The following NUP54 variants were observed in gnomAD, a reference collection of about 807,000 sequenced individuals.
The protein encoded by NUP54 is nucleoporin p54.
NUP54 carries 27 observed loss-of-function variants against 66.4 expected under a neutral mutation model. The ratio of observed to expected loss-of-function variants is 0.41; its 90% CI spans 0.30 to 0.56. NUP54 has a LOEUF of 0.56. Among genes scored for constraint, NUP54 ranks in the 20% least tolerant of loss-of-function variants. NUP54 has a pLI of 0.34. For missense variants in NUP54, 486 were observed against 596.3 expected (o/e 0.82, Z 1.93); for synonymous variants, 206 against 210.7 (o/e 0.98, Z 0.19).
At chr4:76,137,749 G>A (rs1236023889) in intron 3 of NUP54, among the ~76,000 whole-genome samples, 1 of 152,134 alleles carries the variant, frequency 6.6e-6, no homozygotes, top group Non-Finnish European at 1.5e-5. Context: ...TCAACAAAGC[G>A]AGGAGCAAGT....
chr4:76,138,984 G>A (rs948852346), intron 3 of NUP54, among the ~76,000 whole-genome samples: 1 of 151,900 alleles, frequency 6.6e-6, no homozygotes, highest in Non-Finnish European at 1.5e-5. Flanking sequence ...TAACTCCTTG[G>A]ATACCATTAG....
At chr4:76,120,506 G>A (rs1257845781) in intron 9 of NUP54, among the ~76,000 whole-genome samples, 1 of 147,658 alleles carries the variant, frequency 6.8e-6, no homozygotes, top group Non-Finnish European at 1.5e-5. Flanking sequence ...CTTGGCTCAC[G>A]GCAACCTCCA....
intron 5 of NUP54, among the ~76,000 whole-genome samples, chr4:76,133,848 C>T (rs1250232382): frequency 6.6e-6 from 1 of 152,140 alleles, no homozygotes; most frequent in Non-Finnish European, 1.5e-5. Context: ...AATATTTATT[C>T]ATGAATGAAC....
At position 76,134,354 on chromosome 4, in the gene NUP54, ACCTACTG is replaced by A. The variant is rs759429207; in HGVS notation, c.524_530del (p.Ala175ValfsTer14). The A allele has an allele frequency of 6.2e-7, 1 of 1,611,350 alleles. No homozygotes were observed. The highest frequency in any genetic ancestry group is 8.5e-7 in the Non-Finnish European group (1 of 1,178,858). ...CTTTATTACTGGGCATGCAACTATA[ACCTACTG>A]CCTGTGGAATGACAAAATAAACAAT... On this transcript the variant is annotated frameshift_variant and splice_region_variant, in exon 5 of 12. Coordinates refer to ENST00000264883, the MANE Select transcript of NUP54 (RefSeq NM_017426.4). LOFTEE classifies it high-confidence loss of function.
chr4:76,140,718 T>C (rs1011748224), intron 3 of NUP54, among the ~76,000 whole-genome samples: 3 of 152,200 alleles, frequency 2.0e-5, no homozygotes, highest in African/African-American at 7.2e-5. Flanking sequence ...TTCACAGGAT[T>C]ACCAGGCAAC....
intron 6 of NUP54, 116 bp from the exon 7 acceptor site, chr4:76,131,400 T>C: frequency 1.8e-6 from 1 of 565,664 alleles, no homozygotes; most frequent in Non-Finnish European, 3.0e-6. Flanking sequence ...GAAAAGTGAC[T>C]GTCAAATATA....
intron 1 of NUP54, among the ~76,000 whole-genome samples, chr4:76,146,580 G>T (rs1469255079): frequency 6.7e-6 from 1 of 148,568 alleles, no homozygotes; most frequent in South Asian, 2.1e-4. Flanking sequence ...AACTTTTAGG[G>T]AGTAAATAAT....
intron 1 of NUP54, 53 bp downstream of exon 1, chr4:76,148,255 C>G: frequency 8.4e-7 from 1 of 1,185,740 alleles, no homozygotes; most frequent in Non-Finnish European, 1.1e-6. Flanking sequence ...ACAGAGGGGG[C>G]GGACCAGACC....
chr4:76,130,887 C>A (rs951546513), intron 7 of NUP54, 138 bp from the exon 8 acceptor site: 6 of 630,412 alleles, frequency 9.5e-6, no homozygotes, highest in Admixed American at 5.5e-5. Context: ...TATGAGATAA[C>A]CATGTTATAC....
rs377164809 is a variant in NUP54, at chr4:76,136,228, C to T, written c.480G>A (p.Pro160=). ...GATTTTCTTGTGTGAATTCCACTGG[C>T]GGAATATTATTGTTGAAATACCCTT... ...TGKGYFNNNI[P]PVEFTQENPF... Residue 160 remains proline (P), a synonymous_variant, in exon 4 of 12, where the codon CCG becomes CCA. Transcript: ENST00000264883. 85 of 1,613,882 alleles carry T rather than the reference C, an allele frequency of 5.3e-5. No individual in the cohort carries two copies. The African/African-American group carries it at 6.4e-4, about 12-fold the overall frequency.
chr4:76,120,328 G>T (rs1236090576), intron 9 of NUP54, among the ~76,000 whole-genome samples: 1 of 151,944 alleles, frequency 6.6e-6, no homozygotes. Flanking sequence ...AGATTCATAG[G>T]CCACACATCA....
intron 8 of NUP54, 74 bp downstream of exon 8, chr4:76,130,582 T>G (rs1169746365): frequency 5.2e-6 from 5 of 965,630 alleles, no homozygotes; most frequent in Non-Finnish European, 8.3e-6. Flanking sequence ...GTAGCACATA[T>G]ACTAAAAAGA....
intron 3 of NUP54, 104 bp downstream of exon 3, chr4:76,144,045 T>G (rs561931281): frequency 4.4e-6 from 5 of 1,144,930 alleles, no homozygotes; most frequent in Non-Finnish European, 6.4e-6. Context: ...TGGAATATAT[T>G]AATAATTCTT....
intron 11 of NUP54, 128 bp downstream of exon 11, chr4:76,117,536 A>G: frequency 8.2e-6 from 5 of 612,872 alleles, no homozygotes; most frequent in Non-Finnish European, 1.4e-5. Context: ...CATTCCCCCA[A>G]CAGTGCAAGA....
chr4:76,142,297 GAAT>G lies in NUP54; in HGVS notation c.295+1849_295+1851del, dbSNP rs1405944078. On this transcript the variant is annotated intron_variant, in intron 3 of 11. Coordinates refer to ENST00000264883, the MANE Select transcript of NUP54 (RefSeq NM_017426.4). ...AGACGAATGACTGGAATACTTGAAA[GAAT>G]AATTCTGAGAATACTATTCTATTAT... Among the ~76,000 whole-genome samples the G allele has an allele frequency of 3.9e-5, 6 of 152,310 alleles. No homozygotes were observed. In the East Asian group the frequency reaches 7.7e-4, roughly 20 times the overall value.
chr4:76,132,621 A>G lies in NUP54; in HGVS notation c.809T>C (p.Ile270Thr). ...ACCAAGTTGCTGCAATTGTGTTTTT[A>G]TATTGGCTTGTTCAAAATGGGCATA... ...TLYAHFEQAN[I>T]KTQLQQLGVT... Residue 270 changes from isoleucine to threonine, a missense_variant, in exon 6 of 12, where the codon ATA becomes ACA. Around this residue, in one of 4 missense-constraint regions of NUP54, gnomAD observed 217 missense variants for 247.9 expected, o/e 0.88. Coordinates refer to ENST00000264883, the MANE Select transcript of NUP54 (RefSeq NM_017426.4). The G allele has an allele frequency of 6.2e-7, 1 of 1,614,054 alleles. No homozygotes were observed. Among genetic ancestry groups the G allele is most frequent in the Non-Finnish European group, 8.5e-7 (1 of 1,179,984 alleles).
rs1011139811 is a variant in NUP54, at chr4:76,115,252, A to G, written c.*114T>C. 3.0e-6 allele frequency: 3 copies of G among 985,176 alleles called. No homozygotes were observed. The highest frequency in any genetic ancestry group is 3.1e-5 in the South Asian group (1 of 32,442). The allele number at this position is 985,176 out of a possible 1,614,324, so 61.0% of individuals were successfully genotyped here. ...TGTCAGTAAACTTCTCAAAAAACCA[A>G]TCCAAGAAAGAATTGTTTTCTTTTT... is the stretch of plus-strand genomic sequence containing the variant. On this transcript the variant is annotated 3_prime_UTR_variant, in exon 12 of 12. Coordinates refer to ENST00000264883, the MANE Select transcript of NUP54 (RefSeq NM_017426.4).
At position 76,144,213 on chromosome 4, in the gene NUP54, TA is replaced by T; in HGVS notation, c.230del (p.Leu77Ter). The T allele has an allele frequency of 6.2e-7, 1 of 1,612,526 alleles. No homozygotes were observed. The highest frequency in any genetic ancestry group is 8.5e-7 in the Non-Finnish European group (1 of 1,178,550). Reference protein sequence around the residue: ...FGTTTGTSTGLGTGLGTGLGF... With the variant: ...FGTTTGTSTGXGTGLGTGLGF... Reference sequence around the variant, plus strand: ...CCAGTCCAGTTCCCAAACCAGTACCTAAACCAGTACTAGTTCCCGTTGTTGT... The same window carrying T: ...CCAGTCCAGTTCCCAAACCAGTACCTAACCAGTACTAGTTCCCGTTGTTGT... On this transcript the variant is annotated frameshift_variant, in exon 3 of 12. Coordinates refer to ENST00000264883, the MANE Select transcript of NUP54 (RefSeq NM_017426.4). LOFTEE classifies it high-confidence loss of function.
At chr4:76,130,135 G>A (rs1013994933) in intron 8 of NUP54, among the ~76,000 whole-genome samples, 3 of 151,178 alleles carry the variant, frequency 2.0e-5, no homozygotes, top group East Asian at 3.9e-4. Flanking sequence ...CGTGCACCAC[G>A]ACACCCAGCT....
Sources: allele counts gnomAD v4.1 joint callset (sites outside exome capture counted in the v4.1 genomes callset), GRCh38; gene constraint gnomAD v4.1.1; regional missense constraint gnomAD v4.1.1; transcripts MANE v1.5; gene names NCBI Gene and HGNC (gene_info 2026-07-23, HGNC 2026-07-21).